The following RALGAPB variants were observed in gnomAD, a reference collection of about 807,000 sequenced individuals.
RALGAPB encodes Ral GTPase activating protein non-catalytic subunit beta, also known as ral GTPase-activating protein subunit beta.
A neutral mutation model predicts 161.1 loss-of-function variants in RALGAPB; 25 were observed. The observed-to-expected ratio is 0.16, with a 90% CI of 0.11 to 0.22. The LOEUF is 0.22. Ranked by LOEUF, RALGAPB falls within the 10% of genes least tolerant of loss-of-function variation. The pLI is 1.00. For missense variants in RALGAPB, 1,391 were observed against 1,815.2 expected, an observed-to-expected ratio of 0.77 and a Z score of 4.25; for synonymous variants, 629 against 626.1, an observed-to-expected ratio of 1.00 and a Z score of -0.07.
rs1487577828 is a variant in RALGAPB at position 38,527,574 on chromosome 20, C to A, written c.2050+1532C>A. 3.3e-5 allele frequency among the ~76,000 whole-genome samples: 5 copies of A among 152,102 alleles called. No individual in the cohort carries two copies. In the South Asian group the frequency reaches 1.0e-3, roughly 32 times the overall value. ...TTCAGGCTGGGCTTTTAGAGACCTT[C>A]TGAAGTTAATGTGGTCAGTCTGACC... On this transcript the variant is annotated intron_variant, in intron 13 of 29. Transcript: ENST00000262879.
In RALGAPB at chr20:38,518,949, AAATG is replaced by A. The variant is rs1170080402; in HGVS notation, c.1417+953_1417+956del. ...CAGAAGGGTCTCTGCTTTCTCTCAG[AAATG>A]AATTCTTAGCTGTTACTATAATTCT... On this transcript the variant is annotated intron_variant, in intron 9 of 29. Transcript: ENST00000262879. Among the ~76,000 whole-genome samples the A allele has an allele frequency of 7.0e-4, 107 of 152,332 alleles. 1 individual carries two copies. The highest frequency in any genetic ancestry group is 2.5e-3 in the African/African-American group (104 of 41,586).
Position 38,517,488 on chromosome 20 carries a change from C to CTT in RALGAPB, c.1052-5_1052-4dup, listed in dbSNP as rs745444282. ...ACCTATGAAGAATAATTTCATTTGT[C>CTT]TTTTTTTTTTTTTTAAGGTATTTCT... On this transcript the variant is annotated splice_polypyrimidine_tract_variant and intron_variant, in intron 7 of 29. Coordinates refer to ENST00000262879, the MANE Select transcript of RALGAPB (RefSeq NM_020336.4). 650 of 1,308,432 alleles carry CTT rather than the reference C, an allele frequency of 5.0e-4. No individual in the cohort carries two copies. Among genetic ancestry groups the CTT allele is most frequent in the South Asian group, 1.4e-3 (93 of 65,982 alleles). 81.1% of individuals were successfully genotyped at this position (1,308,432 alleles called of 1,614,324 possible).
chr20:38,565,572 C>CTAAG (rs1338063379), intron 25 of RALGAPB, 94 bp downstream of exon 25: 2 of 1,396,994 alleles, frequency 1.4e-6, no homozygotes, highest in East Asian at 4.6e-5. Context: ...TTGAAGTGAT[C>CTAAG]TAAGGCATTC....
intron 15 of RALGAPB, among the ~76,000 whole-genome samples, chr20:38,534,864 G>A (rs562243297): frequency 6.6e-6 from 1 of 152,342 alleles, no homozygotes; most frequent in African/African-American, 2.4e-5. Context: ...CCAGGAACTA[G>A]AAGCTGCTCT....
At chr20:38,531,927 C>G (rs1194488283) in intron 14 of RALGAPB, among the ~76,000 whole-genome samples, 1 of 152,200 alleles carries the variant, frequency 6.6e-6, no homozygotes, top group Non-Finnish European at 1.5e-5. Flanking sequence ...GGAAGTCTAA[C>G]AGATAGGTTT....
chr20:38,497,184 G>A (rs1028906222), intron 3 of RALGAPB, among the ~76,000 whole-genome samples, 169 bp from the exon 4 acceptor site: 2 of 152,126 alleles, frequency 1.3e-5, no homozygotes, highest in Non-Finnish European at 2.9e-5. Flanking sequence ...TTAACTTTAC[G>A]ACGAGTAAGA....
intron 22 of RALGAPB, among the ~76,000 whole-genome samples, chr20:38,557,209 A>G (rs2087614744): frequency 6.6e-6 from 1 of 152,170 alleles, no homozygotes. Context: ...TGTAGACTTA[A>G]TTTTTTTAGA....
In RALGAPB at chr20:38,549,585, T is replaced by TAC. The variant is rs11470933; in HGVS notation, c.3009+806_3009+807dup. Among the ~76,000 whole-genome samples, 427 of 147,476 alleles carry TAC rather than the reference T, an allele frequency of 2.9e-3. 1 individual carries two copies. The highest frequency in any genetic ancestry group is 9.8e-3 in the African/African-American group (391 of 39,998). On this transcript the variant is annotated intron_variant, in intron 20 of 29. Coordinates refer to ENST00000262879, the MANE Select transcript of RALGAPB (RefSeq NM_020336.4). The stretch of plus-strand genomic sequence containing the variant: ...ATATACACACACACACACATACATA[T>TAC]ACACACACACACACACATATGTATG...
chr20:38,543,137 C>T (rs2087030031), intron 18 of RALGAPB, among the ~76,000 whole-genome samples: 1 of 152,170 alleles, frequency 6.6e-6, no homozygotes, highest in African/African-American at 2.4e-5. Context: ...TGTCTTGTCT[C>T]TGCTAGCAGC....
At chr20:38,481,462 C>G (rs2084970548) in intron 1 of RALGAPB, among the ~76,000 whole-genome samples, 1 of 152,184 alleles carries the variant, frequency 6.6e-6, no homozygotes, top group South Asian at 2.1e-4. Flanking sequence ...TGGATGACGG[C>G]AGGCCAAGAG....
chr20:38,534,345 A>G (rs1479106575), intron 15 of RALGAPB: 1 of 152,452 alleles, frequency 6.6e-6, no homozygotes, highest in Non-Finnish European at 1.5e-5. Context: ...CTCTTTAATG[A>G]TCATTCCTTT....
chr20:38,476,333 C>T (rs1055328731), intron 1 of RALGAPB, among the ~76,000 whole-genome samples: 1 of 152,094 alleles, frequency 6.6e-6, no homozygotes, highest in South Asian at 2.1e-4. Flanking sequence ...TTCTTTGGTG[C>T]GAGATGATTT....
At chr20:38,499,337 T>C in intron 4 of RALGAPB, 110 bp from the exon 5 acceptor site, 2 of 1,019,488 alleles carry the variant, frequency 2.0e-6, no homozygotes, top group Non-Finnish European at 2.9e-6. Context: ...AAGTCAAAAC[T>C]TAATATTGCA....
At chr20:38,537,408 G>A (rs1207997580) in intron 16 of RALGAPB, among the ~76,000 whole-genome samples, 1 of 152,166 alleles carries the variant, frequency 6.6e-6, no homozygotes, top group East Asian at 1.9e-4. Context: ...GGAGGCTGAG[G>A]CAGGAAGAGA....
chr20:38,574,160 C>G lies in RALGAPB; in HGVS notation c.4153C>G (p.Leu1385Val). 2 of 1,607,156 alleles carry G rather than the reference C, an allele frequency of 1.2e-6. No individual in the cohort carries two copies. The highest frequency in any genetic ancestry group is 1.7e-6 in the Non-Finnish European group (2 of 1,177,772). The change falls in exon 29 of 30, where the codon CTT becomes GTT. Residue 1385 changes from leucine to valine, a missense_variant. Around this residue, in one of 3 missense-constraint regions of RALGAPB, gnomAD observed 436 missense variants for 527.0 expected, o/e 0.83. Coordinates refer to ENST00000262879, the MANE Select transcript of RALGAPB (RefSeq NM_020336.4). ...NSSTSLRSTTLEKEVPVIFIH... is the reference protein window; with the variant it reads ...NSSTSLRSTTVEKEVPVIFIH... ...TTTTCTTTTCTTAAGATCTACAACTCTTGAAAAAGAAGTTCCTGTCATCTT... is the reference window on the plus strand; with the variant it reads ...TTTTCTTTTCTTAAGATCTACAACTGTTGAAAAAGAAGTTCCTGTCATCTT...
chr20:38,550,173 A>G (rs2087325762), intron 20 of RALGAPB, among the ~76,000 whole-genome samples: 1 of 152,126 alleles, frequency 6.6e-6, no homozygotes, highest in African/African-American at 2.4e-5. Context: ...AGGGATAGCA[A>G]TGGGAGATAT....
chr20:38,524,652 G>C (rs1315260025), intron 10 of RALGAPB, 126 bp from the exon 11 acceptor site: 8 of 711,130 alleles, frequency 1.1e-5, no homozygotes, highest in African/African-American at 1.8e-5. Flanking sequence ...TTCCAATAAT[G>C]TCCTTTCTTT....
At chr20:38,500,126 G>C (rs1355815248) in intron 5 of RALGAPB, 3 of 151,772 alleles carry the variant, frequency 2.0e-5, no homozygotes, top group Non-Finnish European at 4.4e-5. Context: ...TGTTTTATAA[G>C]TACACTCTTA....
intron 21 of RALGAPB, among the ~76,000 whole-genome samples, chr20:38,553,028 A>G (rs1454390807): frequency 6.6e-6 from 1 of 152,152 alleles, no homozygotes; most frequent in Non-Finnish European, 1.5e-5. Context: ...GGAGTGGGAA[A>G]GCAGGGGGAG....
Sources: gnomAD v4.1 joint callset for allele counts (sites outside exome capture counted in the v4.1 genomes callset) on GRCh38, gnomAD v4.1.1 for gene constraint, gnomAD v4.1.1 regional missense constraint, MANE v1.5 for transcripts, NCBI Gene and HGNC (gene_info 2026-07-23, HGNC 2026-07-21) for gene names.